Variants in PTPN9 observed in about 807,000 individuals in gnomAD.
PTPN9 encodes the protein protein tyrosine phosphatase non-receptor type 9, also known as tyrosine-protein phosphatase non-receptor type 9.
In PTPN9, 26 loss-of-function variants were observed where a neutral mutation model predicts 69.8. That is an observed-to-expected ratio of 0.37 (90% CI 0.27 to 0.52). The LOEUF is 0.52. Among genes scored for constraint, PTPN9 ranks in the 20% least tolerant of loss-of-function variants. The probability of loss-of-function intolerance (pLI) is 0.91; values close to 1 mark genes in which losing one functional copy is unlikely to be tolerated. For missense variants in PTPN9, 549 were observed against 740.3 expected, an observed-to-expected ratio of 0.74 and a Z score of 3.00; for synonymous variants, 274 against 272.5, an observed-to-expected ratio of 1.01 and a Z score of -0.05.
intron 7 of PTPN9, among the ~76,000 whole-genome samples, chr15:75,504,454 C>A (rs1311578766): frequency 1.3e-4 from 17 of 127,422 alleles, no homozygotes; most frequent in African/African-American, 2.7e-4. Flanking sequence ...CCCCGCCCGG[C>A]CAGCCGCCCG....
At chr15:75,560,676 A>C (rs1567524458) in intron 1 of PTPN9, among the ~76,000 whole-genome samples, 1 of 152,196 alleles carries the variant, frequency 6.6e-6, no homozygotes, top group Non-Finnish European at 1.5e-5. Context: ...GCACGAGACC[A>C]GCCTGGGCAA....
At position 75,467,943 on chromosome 15, in the gene PTPN9, A is replaced by G. The variant is rs1298076989; in HGVS notation, c.*826T>C. On this transcript the variant is annotated 3_prime_UTR_variant, in exon 13 of 13. Coordinates refer to ENST00000618819, the MANE Select transcript of PTPN9 (RefSeq NM_002833.4). ...ACATTCTTGGCTCCAACAGGTGGCA[A>G]CTGGAAGGAGATAAGTCATTACTTA... 1 of 152,646 alleles carries G rather than the reference A, an allele frequency of 6.6e-6. No individual in the cohort carries two copies. The highest frequency in any genetic ancestry group is 6.6e-5 in the Admixed American group (1 of 15,266). The allele number at this position is 152,646 out of a possible 1,614,324, so 9.5% of individuals were successfully genotyped here.
At chr15:75,578,689 A>C (rs903402841) in intron 1 of PTPN9, 25 bp downstream of exon 1, 156 of 1,364,418 alleles carry the variant, frequency 1.1e-4, no homozygotes, top group Non-Finnish European at 1.4e-4. Flanking sequence ...GACACACCCA[A>C]CGCGGCGGCC....
intron 1 of PTPN9, among the ~76,000 whole-genome samples, chr15:75,567,024 T>C (rs1409988833): frequency 2.0e-5 from 3 of 151,328 alleles, no homozygotes; most frequent in African/African-American, 7.3e-5. Flanking sequence ...TTTTCTTTTT[T>C]TTTTTTTTTC....
At position 75,467,398 on chromosome 15, in the gene PTPN9, TG is replaced by T. The variant is rs1416025591; in HGVS notation, c.*1370del. On this transcript the variant is annotated 3_prime_UTR_variant, in exon 13 of 13. Transcript: ENST00000618819. ...GGGAATGTGGAGTGCTGAGGACTCT[TG>T]ATTTATCCCTAGCACATAAGGATGA... The T allele has an allele frequency of 3.3e-5, 5 of 152,552 alleles. No individual in the cohort carries two copies. Among genetic ancestry groups the T allele is most frequent in the African/African-American group, 7.2e-5 (3 of 41,416 alleles). The allele number at this position is 152,552 out of a possible 1,614,324, so 9.4% of individuals were successfully genotyped here.
At chr15:75,540,669 C>A (rs936901214) in intron 1 of PTPN9, among the ~76,000 whole-genome samples, 2 of 151,970 alleles carry the variant, frequency 1.3e-5, no homozygotes, top group African/African-American at 4.8e-5. Flanking sequence ...ATGATCCAGG[C>A]GGCTGCTAGG....
At chr15:75,547,448 T>G (rs150416263) in intron 1 of PTPN9, among the ~76,000 whole-genome samples, 213 of 151,844 alleles carry the variant, frequency 1.4e-3, no homozygotes, top group Non-Finnish European at 2.6e-3. Flanking sequence ...AATACATAAA[T>G]TAGCCAGGCG....
intron 9 of PTPN9, among the ~76,000 whole-genome samples, chr15:75,474,345 C>T (rs923198920): frequency 6.6e-6 from 1 of 152,014 alleles, no homozygotes. Context: ...ATGGTAAAAC[C>T]CCATCTCTAT....
chr15:75,578,683 C>A, intron 1 of PTPN9, 31 bp downstream of exon 1: 1 of 1,362,928 alleles, frequency 7.3e-7, no homozygotes, highest in East Asian at 3.2e-5. Context: ...GGCCCGGACA[C>A]ACCCAACGCG....
intron 1 of PTPN9, among the ~76,000 whole-genome samples, chr15:75,558,615 C>G (rs1043703718): frequency 6.6e-6 from 1 of 152,222 alleles, no homozygotes; most frequent in Non-Finnish European, 1.5e-5. Flanking sequence ...TCTCTGCTCA[C>G]TGCAACCTCC....
intron 4 of PTPN9, among the ~76,000 whole-genome samples, chr15:75,519,258 A>C (rs7180574): frequency 6.6e-6 from 1 of 151,960 alleles, no homozygotes; most frequent in Non-Finnish European, 1.5e-5. Context: ...ACAGGTGCCC[A>C]CCACCACACT....
chr15:75,506,096 G>A (rs1352451921), intron 6 of PTPN9, 93 bp from the exon 7 acceptor site: 3 of 969,094 alleles, frequency 3.1e-6, no homozygotes, highest in Admixed American at 2.7e-5. Flanking sequence ...AGGTTTGGAG[G>A]ATGGGATAAG....
At chr15:75,562,787 G>A (rs1323797678) in intron 1 of PTPN9, among the ~76,000 whole-genome samples, 1 of 67,662 alleles carries the variant, frequency 1.5e-5, no homozygotes, top group East Asian at 3.9e-4. Flanking sequence ...AGCGAGACTC[G>A]TTTCAAAAAA....
rs538694578 is a variant in PTPN9 at position 75,578,637 on chromosome 15, G to A, written c.63+77C>T. On this transcript the variant is annotated intron_variant, in intron 1 of 12. Transcript: ENST00000618819. ...TGCGGCCCCGTGGCTGCAAAGAGCC[G>A]GCACTCGGGAGGCAGAGGCCGGCGT... The A allele has an allele frequency of 3.6e-5, 42 of 1,163,000 alleles. No homozygotes were observed. In the African/African-American group the frequency reaches 6.2e-4, roughly 17 times the overall value. 72.0% of individuals were successfully genotyped at this position (1,163,000 alleles called of 1,614,324 possible). A position where few individuals can be genotyped will look rare whatever the true frequency, so the allele number is the denominator to read the frequency against.
chr15:75,504,207 TC>T (rs1322174461), intron 7 of PTPN9, among the ~76,000 whole-genome samples: 4 of 30,318 alleles, frequency 1.3e-4, no homozygotes, highest in East Asian at 8.6e-4. Flanking sequence ...GGGAGGGAGG[TC>T]GGGGGGGTCA....
chr15:75,536,936 T>TA (rs2074984633), intron 1 of PTPN9, among the ~76,000 whole-genome samples: 1 of 152,188 alleles, frequency 6.6e-6, no homozygotes, highest in South Asian at 2.1e-4. Context: ...ACAAAGCACT[T>TA]ACTTAATAAA....
At chr15:75,479,091 G>C (rs188440446) in intron 9 of PTPN9, among the ~76,000 whole-genome samples, 1 of 152,156 alleles carries the variant, frequency 6.6e-6, no homozygotes, top group Admixed American at 6.5e-5. Flanking sequence ...GGCAGATCAC[G>C]AGGTCAGGAG....
At chr15:75,546,599 T>C (rs1042826440) in intron 1 of PTPN9, among the ~76,000 whole-genome samples, 4 of 151,058 alleles carry the variant, frequency 2.6e-5, no homozygotes, top group South Asian at 4.2e-4. Flanking sequence ...GCCGAGATCA[T>C]GCCACTGCAC....
At chr15:75,528,911 AG>A (rs2074942864) in intron 1 of PTPN9, among the ~76,000 whole-genome samples, 1 of 151,646 alleles carries the variant, frequency 6.6e-6, no homozygotes, top group Non-Finnish European at 1.5e-5. Context: ...TTTGTTGGCC[AG>A]GCTGGTCTTG....
Sources: gnomAD v4.1 joint callset for allele counts (sites outside exome capture counted in the v4.1 genomes callset) on GRCh38, gnomAD v4.1.1 for gene constraint, MANE v1.5 for transcripts, NCBI Gene and HGNC (gene_info 2026-07-23, HGNC 2026-07-21) for gene names.